THAP3: variants seen among roughly 807,000 people sequenced by gnomAD.
THAP3 encodes the protein THAP domain-containing protein 3.
THAP3 carries 12 observed loss-of-function variants against 17.7 expected under a neutral mutation model. The ratio of observed to expected loss-of-function variants is 0.68; its 90% confidence interval spans 0.43 to 1.10. The LOEUF (loss-of-function observed/expected upper bound fraction) is 1.10, where lower values mean the gene tolerates loss of function less well. Among genes scored for constraint, THAP3 ranks in the 50% least tolerant of loss-of-function variants. The pLI is 0.00. For missense variants in THAP3, 289 were observed against 318.0 expected, an observed-to-expected ratio of 0.91 and a Z score of 0.69; for synonymous variants, 133 against 126.9, an observed-to-expected ratio of 1.05 and a Z score of -0.32.
rs764302060 is a variant in THAP3 at position 6,632,918 on chromosome 1, C to G, written c.561C>G (p.Ser187=). The part of the protein sequence containing the change: ...DHSYALLDLD[S]LKKKLFLTLK... ...GCTATGCCCTTTTGGACTTAGATTC[C>G]CTGAAGAAAAAACTCTTCCTCACTC... is the stretch of plus-strand genomic sequence containing the variant. Residue 187 remains serine, a synonymous_variant, in exon 6 of 6, where the codon TCC becomes TCG. Coordinates refer to ENST00000054650, the MANE Select transcript of THAP3 (RefSeq NM_001195753.2). The G allele has an allele frequency of 6.2e-7, 1 of 1,612,838 alleles. No individual in the cohort carries two copies. The highest frequency in any genetic ancestry group is 1.3e-5 in the African/African-American group (1 of 74,954).
downstream of THAP3, chr1:6,634,152 C>T (rs905830970): frequency 7.8e-5 from 110 of 1,404,950 alleles, no homozygotes; most frequent in Middle Eastern, 1.8e-4. Context: ...ACACAATACA[C>T]GGAAGAGCGC....
chr1:6,634,914 G>A (rs1170037335), downstream of THAP3: 1 of 1,171,388 alleles, frequency 8.5e-7, no homozygotes, highest in Non-Finnish European at 1.1e-6. Flanking sequence ...GGTGGGTGGT[G>A]CAGGCGGTGG....
chr1:6,625,182 C>T lies in THAP3; in HGVS notation c.-37C>T, dbSNP rs1009971738. On this transcript the variant is annotated 5_prime_UTR_variant, in exon 2 of 6. Coordinates refer to ENST00000054650, the MANE Select transcript of THAP3 (RefSeq NM_001195753.2). Reference sequence around the variant, plus strand: ...CCCTCTCCGCAGGCCCCGCCGCCGCCGCCATCTTTGTTGGGGGCAGCCAGG... The same window carrying T: ...CCCTCTCCGCAGGCCCCGCCGCCGCTGCCATCTTTGTTGGGGGCAGCCAGG... 3 of 1,531,600 alleles carry T rather than the reference C, an allele frequency of 2.0e-6. No homozygotes were observed. The East Asian group carries it at 7.5e-5, about 39-fold the overall frequency. The allele number at this position is 1,531,600 out of a possible 1,614,324, so 94.9% of individuals were successfully genotyped here. A position where few individuals can be genotyped will look rare whatever the true frequency, so the allele number is the denominator to read the frequency against.
At position 6,632,824 on chromosome 1, in the gene THAP3, AGGCTGTTGGCC is replaced by A; in HGVS notation, c.471_481del (p.Val158AspfsTer16). 1.2e-6 allele frequency: 2 copies of A among 1,612,962 alleles called. No homozygotes were observed. Among genetic ancestry groups the A allele is most frequent in the Non-Finnish European group, 1.7e-6 (2 of 1,179,906 alleles). On this transcript the variant is annotated frameshift_variant, in exon 6 of 6. Coordinates refer to ENST00000054650, the MANE Select transcript of THAP3 (RefSeq NM_001195753.2). LOFTEE classifies it low-confidence loss of function (END_TRUNC). ...TCGCCACGGAGGCCGCAAGCAACAG[AGGCTGTTGGCC>A]GGCCGACTGGCCCTGCAGGCCTGAG...
downstream of THAP3, chr1:6,634,587 C>T: frequency 4.4e-6 from 6 of 1,366,090 alleles, no homozygotes; most frequent in South Asian, 1.1e-5. Flanking sequence ...ATGGCTGCCA[C>T]TTCCAGGCCC....
downstream of THAP3, chr1:6,634,938 A>G (rs989942225): frequency 9.1e-7 from 1 of 1,102,954 alleles, no homozygotes; most frequent in East Asian, 6.0e-5. Context: ...GACACAGGCC[A>G]GCTCAAGCCC....
chr1:6,634,667 G>T (rs778503586), downstream of THAP3: 1 of 1,366,392 alleles, frequency 7.3e-7, no homozygotes, highest in Admixed American at 1.9e-5. Flanking sequence ...TAGCTCCGCT[G>T]CATTCTGCAT....
At chr1:6,632,046 C>CAAAAAA (rs35349874) in intron 4 of THAP3, among the ~76,000 whole-genome samples, 1 of 111,398 alleles carries the variant, frequency 9.0e-6, no homozygotes, top group Non-Finnish European at 1.8e-5. Flanking sequence ...GATTCCGTCT[C>CAAAAAA]AAAAAAAAAA....
chr1:6,626,781 G>A (rs1446210056), intron 2 of THAP3, among the ~76,000 whole-genome samples: 2 of 152,266 alleles, frequency 1.3e-5, no homozygotes, highest in Non-Finnish European at 2.9e-5. Flanking sequence ...GGGAGGCAGA[G>A]CTTGCAGTGA....
chr1:6,635,375 G>A (rs975356259), downstream of THAP3: 12 of 337,502 alleles, frequency 3.6e-5, no homozygotes, highest in Admixed American at 1.3e-4. Context: ...CGGTCAGCAC[G>A]TGTGCTCGGG....
At chr1:6,634,258 C>A, downstream of THAP3, 1 of 858,028 alleles carries the variant, frequency 1.2e-6, no homozygotes, top group Non-Finnish European at 1.8e-6. Flanking sequence ...GAAGCACCTG[C>A]GGCAGAGGCG....
chr1:6,625,537 A>C (rs1325552817), intron 2 of THAP3, among the ~76,000 whole-genome samples: 2 of 151,926 alleles, frequency 1.3e-5, no homozygotes, highest in Non-Finnish European at 2.9e-5. Flanking sequence ...GGAGCGGAGC[A>C]GGTGTTTGCT....
intron 5 of THAP3, 95 bp downstream of exon 5, chr1:6,632,590 T>C: frequency 6.4e-7 from 1 of 1,559,528 alleles, no homozygotes; most frequent in Non-Finnish European, 8.7e-7. Context: ...GAGACCTGTG[T>C]GGCCGAGGCA....
rs950385390 is a variant in THAP3 at position 6,625,270 on chromosome 1, A to G, written c.52A>G (p.Arg18Gly). The G allele has an allele frequency of 4.5e-6, 7 of 1,544,944 alleles. No individual in the cohort carries two copies. The highest frequency in any genetic ancestry group is 5.2e-6 in the Non-Finnish European group (6 of 1,147,350). The change falls in exon 2 of 6, where the codon AGG becomes GGG. Residue 18 changes from arginine to glycine, a missense_variant. Transcript: ENST00000054650. Reference sequence around the variant, plus strand: ...GTGCTGCAACCGCTACAGCAGCCGCAGGAAGCAGCTCACCTTCCACCGGTA... The same window carrying G: ...GTGCTGCAACCGCTACAGCAGCCGCGGGAAGCAGCTCACCTTCCACCGGTA... ...RQCCNRYSSRRKQLTFHRFPF... is the reference protein window; with the variant it reads ...RQCCNRYSSRGKQLTFHRFPF...
At chr1:6,631,932 C>T (rs1641625793) in intron 4 of THAP3, among the ~76,000 whole-genome samples, 1 of 151,060 alleles carries the variant, frequency 6.6e-6, no homozygotes, top group African/African-American at 2.4e-5. Flanking sequence ...TGCCTGTAGT[C>T]CCAGCTACTC....
chr1:6,633,801 CT>C (rs1444743987), downstream of THAP3, among the ~76,000 whole-genome samples: 2 of 152,032 alleles, frequency 1.3e-5, no homozygotes, highest in East Asian at 3.9e-4. Context: ...TCCCAGCTAC[CT>C]GGGAGGCTGA....
intron 4 of THAP3, among the ~76,000 whole-genome samples, chr1:6,632,134 T>G (rs1458000423): frequency 1.3e-5 from 2 of 151,454 alleles, no homozygotes; most frequent in Non-Finnish European, 2.9e-5. Context: ...GAGAATCACC[T>G]GAACCCTGGG....
rs1641670335 is a variant in THAP3 at position 6,633,029 on chromosome 1, A to G, written c.672A>G (p.Lys224=). 1.2e-6 allele frequency: 2 copies of G among 1,611,022 alleles called. No homozygotes were observed. The highest frequency in any genetic ancestry group is 1.7e-5 in the Admixed American group (1 of 59,658). ...TGTCCAGCCGCCTCCGTGCTTGCAAAGGGCACCAGGGACTCCAGGCCAGAC... is the reference window on the plus strand; with the variant it reads ...TGTCCAGCCGCCTCCGTGCTTGCAAGGGGCACCAGGGACTCCAGGCCAGAC... ...RRMSSRLRAC[K]GHQGLQARLG... is the part of the protein sequence containing the mutation. Residue 224 remains lysine, a synonymous_variant, in exon 6 of 6, where the codon AAA becomes AAG. Transcript: ENST00000054650.
Position 6,624,894 on chromosome 1 carries a change from A to G in THAP3, c.-130A>G, listed in dbSNP as rs530849834. 1.9e-5 allele frequency: 7 copies of G among 377,430 alleles called. No homozygotes were observed. The highest frequency in any genetic ancestry group is 6.6e-5 in the East Asian group (1 of 15,154). 23.4% of individuals were successfully genotyped at this position (377,430 alleles called of 1,614,324 possible). On this transcript the variant is annotated 5_prime_UTR_variant, in exon 1 of 6. The change abolishes an upstream ATG in the 5' untranslated region. Transcript: ENST00000054650. ...CAGTTGTCCAAGCCTGTGAGTGGCT[A>G]TGCGTCCTGGTTGGGTGCTCAAAGC...
Sources: allele counts gnomAD v4.1 joint callset (sites outside exome capture counted in the v4.1 genomes callset), GRCh38; gene constraint gnomAD v4.1.1; transcripts MANE v1.5; gene names NCBI Gene and HGNC (gene_info 2026-07-23, HGNC 2026-07-21).